The following DNAH14 variants were observed in gnomAD, a reference collection of about 807,000 sequenced individuals.
DNAH14 encodes the protein dynein axonemal heavy chain 14.
Under a neutral mutation model 520.9 loss-of-function variants are expected in DNAH14, and 478 were observed. The observed-to-expected ratio is 0.92, with a 90% confidence interval of 0.85 to 0.99. The LOEUF is 0.99. DNAH14 is among the 50% of genes least tolerant of loss of function. The pLI, the probability that DNAH14 is intolerant of heterozygous loss-of-function variation, is 0.00. For synonymous variants in DNAH14, 1,581 were observed against 1,757.2 expected (o/e 0.90, Z 2.51); for missense variants, 4,831 against 5,234.5 (o/e 0.92, Z 2.38).
chr1:225,007,775 T>A (rs2064297946), intron 10 of DNAH14, among the ~76,000 whole-genome samples: 2 of 151,958 alleles, frequency 1.3e-5, no homozygotes, highest in South Asian at 4.1e-4. Flanking sequence ...TATATGTGTA[T>A]ATCTATATAC....
chr1:224,964,739 G>A, intron 5 of DNAH14, 130 bp downstream of exon 5: 1 of 825,308 alleles, frequency 1.2e-6, no homozygotes, highest in Non-Finnish European at 1.8e-6. Flanking sequence ...ATTATTTCAT[G>A]GTAAATGCAA....
Position 225,346,408 on chromosome 1 carries a change from C to G in DNAH14, c.11097+28C>G, listed in dbSNP as rs1041050116. ...GAGATATTCTTTAGTGTGAATTTTA[C>G]ATGCTTATTTAATCTCACTGGATTA... On this transcript the variant is annotated intron_variant, in intron 70 of 85. Coordinates refer to ENST00000682510, the MANE Select transcript of DNAH14 (RefSeq NM_001367479.1). 4.6e-6 allele frequency: 7 copies of G among 1,526,916 alleles called. No homozygotes were observed. The highest frequency in any genetic ancestry group is 4.6e-5 in the Admixed American group (2 of 43,648). 94.6% of individuals were successfully genotyped at this position (1,526,916 alleles called of 1,614,324 possible).
intron 21 of DNAH14, among the ~76,000 whole-genome samples, chr1:225,086,535 A>G (rs1249322584): frequency 1.3e-5 from 2 of 152,164 alleles, no homozygotes; most frequent in African/African-American, 4.8e-5. Context: ...ACACATATAT[A>G]TACATGCATC....
chr1:225,279,179 G>A (rs1316649176), intron 54 of DNAH14, among the ~76,000 whole-genome samples: 1 of 151,984 alleles, frequency 6.6e-6, no homozygotes, highest in Admixed American at 6.6e-5. Flanking sequence ...CTAATATTTT[G>A]TATTTTTAGT....
rs1320368057 is a variant in DNAH14, at chr1:225,380,281, T to A, written c.12839T>A (p.Met4280Lys). The A allele has an allele frequency of 2.6e-6, 4 of 1,551,548 alleles. No homozygotes were observed. In the African/African-American group the frequency reaches 4.1e-5, roughly 16 times the overall value. ...ACTCCAAGCACATTGAAGAGCATGA[T>A]GTCAAGCTCCATTTGGGAGTCTCTT... The part of the protein sequence containing the change: ...VGTPSTLKSM[M>K]SSSIWESLSK... Residue 4280 changes from methionine to lysine, a missense_variant, in exon 80 of 86, where the codon ATG becomes AAG. Physicochemically the swap from Met to Lys is moderately conservative, Grantham distance 95. Transcript: ENST00000682510.
chr1:225,346,881 AG>A (rs1477445955), intron 71 of DNAH14, among the ~76,000 whole-genome samples: 1 of 152,310 alleles, frequency 6.6e-6, no homozygotes, highest in East Asian at 1.9e-4. Flanking sequence ...ATCTAATGGT[AG>A]TCAACAGGAA....
At chr1:225,282,201 A>G (rs1389938054) in intron 54 of DNAH14, among the ~76,000 whole-genome samples, 1 of 152,238 alleles carries the variant, frequency 6.6e-6, no homozygotes, top group Non-Finnish European at 1.5e-5. Flanking sequence ...ATGGCAGACA[A>G]GTTTCAAAGA....
intron 41 of DNAH14, among the ~76,000 whole-genome samples, chr1:225,230,542 A>G (rs1297347950): frequency 6.6e-6 from 1 of 151,902 alleles, no homozygotes; most frequent in Non-Finnish European, 1.5e-5. Flanking sequence ...ATGAATAATT[A>G]CTCTTTGTGT....
chr1:224,959,276 C>G (rs936950786), intron 3 of DNAH14, among the ~76,000 whole-genome samples: 9 of 152,070 alleles, frequency 5.9e-5, no homozygotes, highest in African/African-American at 2.2e-4. Context: ...CCCAGCCACC[C>G]TCCTCCTCAT....
intron 23 of DNAH14, among the ~76,000 whole-genome samples, chr1:225,111,141 A>G (rs74544036): frequency 2.6e-5 from 4 of 152,102 alleles, no homozygotes; most frequent in Non-Finnish European, 5.9e-5. Flanking sequence ...CATTTGGTCT[A>G]TTGTGCAGAT....
chr1:225,376,546 C>T (rs371301253), intron 78 of DNAH14, among the ~76,000 whole-genome samples: 2 of 152,340 alleles, frequency 1.3e-5, no homozygotes, highest in East Asian at 1.9e-4. Flanking sequence ...TAACATACAG[C>T]ATACAATTGC....
intron 8 of DNAH14, among the ~76,000 whole-genome samples, chr1:224,979,275 T>C (rs936717510): frequency 2.6e-5 from 4 of 152,186 alleles, no homozygotes; most frequent in African/African-American, 9.6e-5. Context: ...CTTTCTCCCA[T>C]GCCATGGCAG....
Position 225,338,242 on chromosome 1 carries a change from A to T in DNAH14, c.10433+60A>T. On this transcript the variant is annotated intron_variant, in intron 68 of 85. Coordinates refer to ENST00000682510, the MANE Select transcript of DNAH14 (RefSeq NM_001367479.1). The stretch of plus-strand genomic sequence containing the variant: ...ATGCTTTTTAAGATAAATAATATTG[A>T]ATGCCTTGTATTTCAGTCCTGTCAA... 3 of 1,530,610 alleles carry T rather than the reference A, an allele frequency of 2.0e-6. No homozygotes were observed. The East Asian group carries it at 7.4e-5, about 38-fold the overall frequency. The allele number at this position is 1,530,610 out of a possible 1,614,324, so 94.8% of individuals were successfully genotyped here.
chr1:225,117,019 T>C (rs2076918809), intron 23 of DNAH14, among the ~76,000 whole-genome samples: 1 of 152,088 alleles, frequency 6.6e-6, no homozygotes, highest in African/African-American at 2.4e-5. Flanking sequence ...TATATTGTTA[T>C]AATGAGAGAA....
At chr1:225,003,874 T>C (rs1326580682) in intron 9 of DNAH14, among the ~76,000 whole-genome samples, 2 of 152,094 alleles carry the variant, frequency 1.3e-5, no homozygotes, top group Non-Finnish European at 2.9e-5. Flanking sequence ...ATCTGTAATA[T>C]CAGATTATTT....
intron 44 of DNAH14, among the ~76,000 whole-genome samples, chr1:225,254,164 G>GA (rs2092656237): frequency 6.6e-6 from 1 of 151,692 alleles, no homozygotes; most frequent in Admixed American, 6.6e-5. Flanking sequence ...AGGACGGCAG[G>GA]AAAAAATAGA....
At chr1:225,308,220 G>T (rs1369550890) in intron 59 of DNAH14, 65 bp from the exon 60 acceptor site, 2 of 1,438,316 alleles carry the variant, frequency 1.4e-6, no homozygotes, top group East Asian at 2.6e-5. Flanking sequence ...TATTTGAATT[G>T]CTCTTTTAGA....
chr1:225,300,724 G>C, intron 55 of DNAH14, 145 bp from the exon 56 acceptor site: 4 of 790,474 alleles, frequency 5.1e-6, no homozygotes, highest in Non-Finnish European at 5.8e-6. Flanking sequence ...GGTGGGGGGT[G>C]GGGGAGATTA....
At chr1:225,239,247 G>T (rs2091817999) in intron 42 of DNAH14, among the ~76,000 whole-genome samples, 1 of 152,180 alleles carries the variant, frequency 6.6e-6, no homozygotes, top group Non-Finnish European at 1.5e-5. Flanking sequence ...AGGTCTCTGT[G>T]TGTGCCTGAG....
Sources: gnomAD v4.1 joint callset for allele counts (sites outside exome capture counted in the v4.1 genomes callset) on GRCh38, gnomAD v4.1.1 for gene constraint, MANE v1.5 for transcripts, NCBI Gene and HGNC (gene_info 2026-07-23, HGNC 2026-07-21) for gene names.